Variants in TP53BP2 observed in about 807,000 individuals in gnomAD.
The protein encoded by TP53BP2 is tumor protein p53 binding protein 2.
In TP53BP2, 62 loss-of-function variants were observed where a neutral mutation model predicts 126.2. The observed-to-expected ratio is 0.49, with a 90% CI of 0.40 to 0.61. TP53BP2 has a LOEUF of 0.61. Ranked by LOEUF, TP53BP2 falls within the 20% of genes least tolerant of loss-of-function variation. The pLI, the probability that TP53BP2 is intolerant of heterozygous loss-of-function variation, is 0.00. For synonymous variants in TP53BP2, 485 were observed against 502.9 expected, an observed-to-expected ratio of 0.96 and a Z score of 0.48; for missense variants, 1,215 against 1,402.8, an observed-to-expected ratio of 0.87 and a Z score of 2.14.
chr1:223,787,376 T>G (rs1459361252), intron 16 of TP53BP2, among the ~76,000 whole-genome samples: 1 of 150,960 alleles, frequency 6.6e-6, no homozygotes, highest in Non-Finnish European at 1.5e-5. Flanking sequence ...CATACATAAA[T>G]ATATAAAATT....
Position 223,842,526 on chromosome 1 carries a change from G to C in TP53BP2, c.27+3128C>G, listed in dbSNP as rs1664136826. 2.0e-5 allele frequency among the ~76,000 whole-genome samples: 3 copies of C among 152,138 alleles called. No individual in the cohort carries two copies. The South Asian group carries it at 6.2e-4, about 32-fold the overall frequency. Reference sequence around the variant, plus strand: ...GTGACAGGCAAATTCAAGCCTTCTGGTCTTCCAGGTGGCACTACCAAATAC... The same window carrying C: ...GTGACAGGCAAATTCAAGCCTTCTGCTCTTCCAGGTGGCACTACCAAATAC... On this transcript the variant is annotated intron_variant, in intron 1 of 17. Transcript: ENST00000343537.
chr1:223,784,354 C>T (rs777361002), intron 16 of TP53BP2, 40 bp from the exon 17 acceptor site: 1 of 1,593,370 alleles, frequency 6.3e-7, no homozygotes, highest in South Asian at 1.1e-5. Context: ...GAATATACAA[C>T]TTGGAGTATA....
intron 16 of TP53BP2, among the ~76,000 whole-genome samples, chr1:223,784,654 A>G (rs1210549701): frequency 6.6e-6 from 1 of 152,186 alleles, no homozygotes. Flanking sequence ...CTAGGATATT[A>G]AAAAAGTGAA....
intron 16 of TP53BP2, among the ~76,000 whole-genome samples, chr1:223,788,608 G>A (rs1662050391): frequency 6.6e-6 from 1 of 152,130 alleles, no homozygotes; most frequent in Admixed American, 6.5e-5. Flanking sequence ...TTGATTTTTA[G>A]GAAAACTTGG....
Position 223,796,309 on chromosome 1 carries a change from TA to T in TP53BP2, c.2229del (p.Ile744LeufsTer22). The T allele has an allele frequency of 6.2e-7, 1 of 1,614,198 alleles. No individual in the cohort carries two copies. On this transcript the variant is annotated frameshift_variant, in exon 13 of 18. Transcript: ENST00000343537. LOFTEE classifies it high-confidence loss of function. This position sits in a 1 kb window ranked among gnomAD's most constrained non-coding sequence, Gnocchi z 4.2. ...CCATTAGGACCCTCTGGCTCTGTAATAGAACTACGTTTCTTTAGAGGCCTTG... is the reference window on the plus strand; with the variant it reads ...CCATTAGGACCCTCTGGCTCTGTAATGAACTACGTTTCTTTAGAGGCCTTG... ...NAPRPLKKRS[S>X]ITEPEGPNGP...
intron 1 of TP53BP2, 103 bp downstream of exon 1, chr1:223,845,551 G>A: frequency 7.9e-7 from 1 of 1,264,868 alleles, no homozygotes; most frequent in Non-Finnish European, 1.0e-6. Context: ...GCGGGCTGCG[G>A]CCCCCAGGCT....
intron 13 of TP53BP2, among the ~76,000 whole-genome samples, chr1:223,794,028 A>G (rs1217554770): frequency 6.6e-6 from 1 of 152,220 alleles, no homozygotes; most frequent in African/African-American, 2.4e-5. Context: ...CTGCCATCTT[A>G]ACCATTTCAC....
intron 2 of TP53BP2, among the ~76,000 whole-genome samples, chr1:223,819,559 G>A (rs544875339): frequency 3.5e-4 from 53 of 151,666 alleles, no homozygotes; most frequent in African/African-American, 1.2e-3. Flanking sequence ...GGGGGCGGGT[G>A]CCTGTAGTCC....
intron 12 of TP53BP2, among the ~76,000 whole-genome samples, chr1:223,797,782 G>A (rs1662380836): frequency 6.6e-6 from 1 of 150,804 alleles, no homozygotes; most frequent in Non-Finnish European, 1.5e-5. Flanking sequence ...TGTGTGTGAT[G>A]TGTGTGTGTG....
intron 16 of TP53BP2, among the ~76,000 whole-genome samples, chr1:223,787,366 C>T (rs1432573276): frequency 1.3e-5 from 2 of 151,440 alleles, no homozygotes; most frequent in Non-Finnish European, 2.9e-5. Flanking sequence ...AAACAAAATA[C>T]ATACATAAAT....
intron 9 of TP53BP2, chr1:223,801,876 TTATATTTTA>T (rs1662537493): frequency 3.1e-6 from 1 of 327,010 alleles, no homozygotes; most frequent in Admixed American, 4.5e-5. Flanking sequence ...TATAAAGATA[TTATATTTTA>T]TTTCATTTCC....
rs565189342 is a variant in TP53BP2, at chr1:223,816,465, C to A, written c.176-2112G>T. ...ATCCTGAATGGTTTTTAAATGCCTA[C>A]AAATCAAGAGGGAAGGGAAAAAGCC... On this transcript the variant is annotated intron_variant, in intron 2 of 17. Transcript: ENST00000343537. Among the ~76,000 whole-genome samples the A allele has an allele frequency of 1.7e-4, 25 of 151,128 alleles. 1 individual carries two copies. In the South Asian group the frequency reaches 5.2e-3, roughly 32 times the overall value.
At chr1:223,845,546 C>T (rs1250597387) in intron 1 of TP53BP2, 108 bp downstream of exon 1, 1 of 1,237,656 alleles carries the variant, frequency 8.1e-7, no homozygotes, top group Non-Finnish European at 1.1e-6. Context: ...TCCGCGCGGG[C>T]TGCGGCCCCC....
At chr1:223,810,640 AT>A in intron 3 of TP53BP2, 127 bp from the exon 4 acceptor site, 2 of 687,774 alleles carry the variant, frequency 2.9e-6, no homozygotes, top group Non-Finnish European at 4.7e-6. Context: ...AAAACAAAAT[AT>A]TTTCTAATAG....
At chr1:223,840,010 C>T (rs1165584171) in intron 1 of TP53BP2, among the ~76,000 whole-genome samples, 3 of 151,988 alleles carry the variant, frequency 2.0e-5, no homozygotes, top group Admixed American at 1.3e-4. Flanking sequence ...AAATCTGGTT[C>T]GATTATCATC....
chr1:223,793,889 T>C (rs760040208), intron 13 of TP53BP2, among the ~76,000 whole-genome samples: 11 of 152,188 alleles, frequency 7.2e-5, no homozygotes, highest in Admixed American at 4.6e-4. Flanking sequence ...CTAACCTATA[T>C]TGAATGATTA....
intron 2 of TP53BP2, among the ~76,000 whole-genome samples, chr1:223,817,169 A>C (rs1240849000): frequency 6.7e-6 from 1 of 148,430 alleles, no homozygotes; most frequent in East Asian, 2.0e-4. Context: ...CTCAATAAAA[A>C]AATAAAATAT....
Position 223,789,017 on chromosome 1 carries a change from A to C in TP53BP2, c.3154T>G (p.Phe1052Val). Residue 1052 changes from phenylalanine to valine, a missense_variant, in exon 16 of 18, where the codon TTT becomes GTT. By Grantham distance (50) the Phe-to-Val change is conservative. Coordinates refer to ENST00000343537, the MANE Select transcript of TP53BP2 (RefSeq NM_001031685.3). The part of the protein sequence containing the change: ...MEEGYTQCSQ[F>V]LYGVQEKMGI... Reference sequence around the variant, plus strand: ...TCTACTTGTCACATACCATAAAGAAATTGGGAGCACTGAGTGTAGCCTTCC... The same window carrying C: ...TCTACTTGTCACATACCATAAAGAACTTGGGAGCACTGAGTGTAGCCTTCC... 6.2e-7 allele frequency: 1 copy of C among 1,614,068 alleles called. No individual in the cohort carries two copies. Among genetic ancestry groups the C allele is most frequent in the South Asian group, 1.1e-5 (1 of 91,058 alleles).
At chr1:223,820,652 CAGG>C (rs771449354) in intron 2 of TP53BP2, among the ~76,000 whole-genome samples, 40 of 152,268 alleles carry the variant, frequency 2.6e-4, no homozygotes, top group South Asian at 4.2e-4. Context: ...AGGAAACCAG[CAGG>C]AGTTCATCCA....
Sources: gnomAD v4.1 joint callset for allele counts (sites outside exome capture counted in the v4.1 genomes callset) on GRCh38, gnomAD v4.1.1 for gene constraint, Gnocchi (gnomAD v3.1) non-coding constraint, MANE v1.5 for transcripts, NCBI Gene and HGNC (gene_info 2026-07-23, HGNC 2026-07-21) for gene names.